Variants in RNF2 observed in about 807,000 individuals in gnomAD.
RNF2 encodes ring finger protein 2.
In RNF2, 6 loss-of-function variants were observed where a neutral mutation model predicts 37.2. The ratio of observed to expected loss-of-function variants is 0.16; its 90% CI spans 0.09 to 0.32. RNF2 has a LOEUF of 0.32. Ranked by LOEUF, RNF2 falls within the 10% of genes least tolerant of loss-of-function variation. The pLI is 1.00. For missense variants in RNF2, 251 were observed against 404.0 expected, an observed-to-expected ratio of 0.62 and a Z score of 3.25; for synonymous variants, 133 against 132.7, an observed-to-expected ratio of 1.00 and a Z score of -0.02.
intron 1 of RNF2, among the ~76,000 whole-genome samples, chr1:185,076,274 T>TTTTTTTG (rs1651155885): frequency 3.2e-5 from 1 of 31,204 alleles, no homozygotes; most frequent in African/African-American, 1.6e-4. Context: ...GGTTGTTTTT[T>TTTTTTTG]TTTTTTTTTT....
At chr1:185,075,686 C>G (rs933698749) in intron 1 of RNF2, among the ~76,000 whole-genome samples, 1 of 152,172 alleles carries the variant, frequency 6.6e-6, no homozygotes, top group Non-Finnish European at 1.5e-5. Context: ...GTGGGAGATA[C>G]TAGACACTTC....
intron 1 of RNF2, among the ~76,000 whole-genome samples, chr1:185,079,981 T>C (rs957197571): frequency 2.0e-5 from 3 of 152,172 alleles, no homozygotes; most frequent in Non-Finnish European, 2.9e-5. Flanking sequence ...TTTTGTCTTT[T>C]GATAGGCCCC....
chr1:185,057,829 A>G (rs1448475231), intron 1 of RNF2, among the ~76,000 whole-genome samples: 1 of 151,728 alleles, frequency 6.6e-6, no homozygotes, highest in Non-Finnish European at 1.5e-5. Flanking sequence ...ACAGTAAAAC[A>G]GTTCAAAAAT....
chr1:185,055,507 G>A (rs772969980), intron 1 of RNF2, among the ~76,000 whole-genome samples: 6 of 152,080 alleles, frequency 3.9e-5, no homozygotes, highest in Non-Finnish European at 2.9e-5. Context: ...TGCAGCCTCC[G>A]CCTCCCAGGT....
At chr1:185,094,027 C>G (rs987966841) in intron 4 of RNF2, among the ~76,000 whole-genome samples, 3 of 152,258 alleles carry the variant, frequency 2.0e-5, no homozygotes, top group Middle Eastern at 6.8e-3. Context: ...TCAAACTTAA[C>G]ATGATGAATA....
At chr1:185,051,716 C>T (rs1214918152) in intron 1 of RNF2, among the ~76,000 whole-genome samples, 4 of 146,756 alleles carry the variant, frequency 2.7e-5, no homozygotes, top group African/African-American at 9.8e-5. Flanking sequence ...GTGCAGCATT[C>T]CCCCTCCTTA....
chr1:185,083,056 C>T (rs916534976), intron 1 of RNF2, among the ~76,000 whole-genome samples: 1 of 152,192 alleles, frequency 6.6e-6, no homozygotes, highest in Non-Finnish European at 1.5e-5. Context: ...CAACTAGAGT[C>T]ATCTTCAAAG....
At position 185,100,544 on chromosome 1, in the gene RNF2, T is replaced by TG. The variant is rs904667816; in HGVS notation, c.*243_*244insG. 8 of 123,894 alleles carry TG rather than the reference T, an allele frequency of 6.5e-5. No individual in the cohort carries two copies. The Admixed American group carries it at 7.5e-4, about 12-fold the overall frequency. 7.7% of individuals were successfully genotyped at this position (123,894 alleles called of 1,614,324 possible). A position where few individuals can be genotyped will look rare whatever the true frequency, so the allele number is the denominator to read the frequency against. On this transcript the variant is annotated 3_prime_UTR_variant, in exon 7 of 7. Coordinates refer to ENST00000367510, the MANE Select transcript of RNF2 (RefSeq NM_007212.4). ...AAAAATATATCTGAAGTTTCTTGTG[T>TG]TTTTTTTTTTCCCCACAAAGTGTGT... is the stretch of plus-strand genomic sequence containing the variant.
At chr1:185,075,550 T>C (rs1338069093) in intron 1 of RNF2, among the ~76,000 whole-genome samples, 1 of 152,168 alleles carries the variant, frequency 6.6e-6, no homozygotes, top group Admixed American at 6.5e-5. Context: ...TTTAGTTGGC[T>C]CAAGGTTCTG....
intron 1 of RNF2, among the ~76,000 whole-genome samples, chr1:185,078,727 T>A (rs1221802020): frequency 1.3e-5 from 2 of 151,954 alleles, no homozygotes; most frequent in Non-Finnish European, 2.9e-5. Flanking sequence ...CTGGCCAACA[T>A]GGTGAAACCC....
intron 1 of RNF2, among the ~76,000 whole-genome samples, chr1:185,075,935 C>T (rs940089333): frequency 2.0e-5 from 3 of 152,090 alleles, no homozygotes; most frequent in African/African-American, 7.2e-5. Context: ...TTTTGATTTG[C>T]AATTTACTGA....
intron 1 of RNF2, among the ~76,000 whole-genome samples, chr1:185,076,640 T>G (rs1261065859): frequency 6.6e-6 from 1 of 151,868 alleles, no homozygotes; most frequent in African/African-American, 2.4e-5. Context: ...AAAATTCACT[T>G]ATTTGTTTAG....
At chr1:185,067,864 C>G (rs972495790) in intron 1 of RNF2, among the ~76,000 whole-genome samples, 2 of 150,280 alleles carry the variant, frequency 1.3e-5, no homozygotes, top group Non-Finnish European at 3.0e-5. Context: ...GCGCCTGCCA[C>G]CACGCCCAGC....
chr1:185,049,118 C>G (rs1452922070), intron 1 of RNF2, among the ~76,000 whole-genome samples: 1 of 152,042 alleles, frequency 6.6e-6, no homozygotes, highest in African/African-American at 2.4e-5. Context: ...CCCAGCTACT[C>G]AGGAGGCTGA....
chr1:185,057,816 A>G (rs532687223), intron 1 of RNF2, among the ~76,000 whole-genome samples: 1 of 152,046 alleles, frequency 6.6e-6, no homozygotes, highest in Non-Finnish European at 1.5e-5. Flanking sequence ...AAAAAAAAAA[A>G]AAACAGTAAA....
At chr1:185,081,866 C>T (rs1013414524) in intron 1 of RNF2, among the ~76,000 whole-genome samples, 1 of 152,106 alleles carries the variant, frequency 6.6e-6, no homozygotes, top group Admixed American at 6.6e-5. Context: ...AATGGTTTTG[C>T]TGGGATTCAG....
intron 1 of RNF2, among the ~76,000 whole-genome samples, chr1:185,074,727 C>T (rs1651094070): frequency 6.6e-6 from 1 of 151,912 alleles, no homozygotes; most frequent in African/African-American, 2.4e-5. Context: ...GATTTTTTTT[C>T]TCGTGTCATT....
At chr1:185,086,368 T>A (rs377067291) in intron 1 of RNF2, among the ~76,000 whole-genome samples, 68 of 152,220 alleles carry the variant, frequency 4.5e-4, no homozygotes, top group Middle Eastern at 3.4e-3. Context: ...GAGTTTTTTT[T>A]ATCTACAACC....
rs759921518 is a variant in RNF2, at chr1:185,087,650, A to T, written c.87+10A>T. ...ACAACGAACACCTCAGGTAATGACTAAGATGACTGCCAAGGGGCATATGAG... is the reference window on the plus strand; with the variant it reads ...ACAACGAACACCTCAGGTAATGACTTAGATGACTGCCAAGGGGCATATGAG... On this transcript the variant is annotated intron_variant, in intron 2 of 6. Coordinates refer to ENST00000367510, the MANE Select transcript of RNF2 (RefSeq NM_007212.4). The T allele has an allele frequency of 6.2e-7, 1 of 1,603,870 alleles. No homozygotes were observed. The highest frequency in any genetic ancestry group is 8.5e-7 in the Non-Finnish European group (1 of 1,170,776).
Sources: allele counts gnomAD v4.1 joint callset (sites outside exome capture counted in the v4.1 genomes callset), GRCh38; gene constraint gnomAD v4.1.1; transcripts MANE v1.5; gene names NCBI Gene and HGNC (gene_info 2026-07-23, HGNC 2026-07-21).